PTPRD: variants seen among roughly 807,000 people sequenced by gnomAD.
The protein encoded by PTPRD is protein tyrosine phosphatase receptor type D, also known as receptor-type tyrosine-protein phosphatase delta.
Under a neutral mutation model 214.5 loss-of-function variants are expected in PTPRD, and 34 were observed. That is an observed-to-expected ratio of 0.16 (90% CI 0.12 to 0.21). The LOEUF is 0.21. Among genes scored for constraint, PTPRD ranks in the 10% least tolerant of loss-of-function variants. The pLI, the probability that PTPRD is intolerant of heterozygous loss-of-function variation, is 1.00. For synonymous variants in PTPRD, 1,128 were observed against 845.7 expected (o/e 1.33, Z -5.79); for missense variants, 2,545 against 2,398.7 (o/e 1.06, Z -1.27).
chr9:8,723,084 T>C (rs1469992831), intron 12 of PTPRD, among the ~76,000 whole-genome samples: 2 of 152,142 alleles, frequency 1.3e-5, no homozygotes, highest in Non-Finnish European at 2.9e-5. Context: ...TTTCCCTACA[T>C]ACTCTCCTAT....
chr9:8,316,153 T>G lies in PTPRD; in HGVS notation c.*1721A>C. On this transcript the variant is annotated 3_prime_UTR_variant, in exon 46 of 46. Coordinates refer to ENST00000381196, the MANE Select transcript of PTPRD (RefSeq NM_002839.4). The stretch of plus-strand genomic sequence containing the variant: ...GGAAGAAGGGCCCTGATTATCCAAG[T>G]GCTTTGGGCTGGTACAATCACTAAC... 4.3e-6 allele frequency: 1 copy of G among 229,992 alleles called. No individual in the cohort carries two copies. The highest frequency in any genetic ancestry group is 6.2e-5 in the East Asian group (1 of 16,092). The allele number at this position is 229,992 out of a possible 1,614,324, so 14.2% of individuals were successfully genotyped here.
In PTPRD at chr9:8,501,146, AAAAT is replaced by A. The variant is rs772313474; in HGVS notation, c.1823-91_1823-88del. The A allele has an allele frequency of 4.9e-5, 48 of 981,730 alleles. 1 individual carries two copies. The highest frequency in any genetic ancestry group is 1.7e-4 in the South Asian group (10 of 57,352). The allele number at this position is 981,730 out of a possible 1,614,324, so 60.8% of individuals were successfully genotyped here. A position where few individuals can be genotyped will look rare whatever the true frequency, so the allele number is the denominator to read the frequency against. On this transcript the variant is annotated intron_variant, in intron 23 of 45. Coordinates refer to ENST00000381196, the MANE Select transcript of PTPRD (RefSeq NM_002839.4). ...AAATGATAAAACAAAAGAAAAGGCA[AAAAT>A]AAATAAACGAACAATAAGGACAAAA... is the stretch of plus-strand genomic sequence containing the variant.
At chr9:9,719,639 C>T (rs1201820008) in intron 7 of PTPRD, among the ~76,000 whole-genome samples, 1 of 152,206 alleles carries the variant, frequency 6.6e-6, no homozygotes, top group African/African-American at 2.4e-5. Context: ...ACCTGCTCTG[C>T]AACATCCCCC....
intron 2 of PTPRD, among the ~76,000 whole-genome samples, chr9:10,377,062 T>C (rs1388019481): frequency 6.6e-6 from 1 of 151,730 alleles, no homozygotes; most frequent in South Asian, 2.1e-4. Flanking sequence ...TCTATTACCC[T>C]TTCCAGCCGC....
At chr9:9,781,996 G>A (rs565365857) in intron 5 of PTPRD, among the ~76,000 whole-genome samples, 1 of 152,074 alleles carries the variant, frequency 6.6e-6, no homozygotes, top group East Asian at 1.9e-4. Flanking sequence ...GTTTCACCGT[G>A]TTAACCAGGA....
intron 2 of PTPRD, among the ~76,000 whole-genome samples, chr9:10,520,586 A>G (rs1459922220): frequency 2.0e-5 from 3 of 152,206 alleles, no homozygotes; most frequent in Admixed American, 6.5e-5. Flanking sequence ...ACAGACTTCT[A>G]TTGGAAGAAG....
chr9:8,739,407 T>C (rs7865769), intron 11 of PTPRD, among the ~76,000 whole-genome samples: 11,161 of 152,292 alleles, frequency 0.073, 1,098 homozygotes, highest in African/African-American at 0.23. Context: ...TTTATCTGCA[T>C]TGACTAATAA....
chr9:8,483,676 C>T (rs994929621), intron 30 of PTPRD, among the ~76,000 whole-genome samples: 18 of 152,248 alleles, frequency 1.2e-4, no homozygotes, highest in African/African-American at 3.4e-4. Flanking sequence ...CTACTTGTGA[C>T]GCTGAGGCAA....
At chr9:9,679,515 A>C (rs1236900661) in intron 7 of PTPRD, among the ~76,000 whole-genome samples, 2 of 151,900 alleles carry the variant, frequency 1.3e-5, no homozygotes, top group South Asian at 2.1e-4. Flanking sequence ...GAAAAATCAT[A>C]ATTAAATGGA....
At chr9:8,522,273 G>T (rs1051404595) in intron 19 of PTPRD, among the ~76,000 whole-genome samples, 11 of 152,156 alleles carry the variant, frequency 7.2e-5, no homozygotes, top group African/African-American at 2.4e-4. Context: ...AGAATGGCTG[G>T]AATCCAAGAC....
chr9:9,303,046 A>T (rs973832363), intron 9 of PTPRD, among the ~76,000 whole-genome samples: 1 of 151,920 alleles, frequency 6.6e-6, no homozygotes, highest in African/African-American at 2.4e-5. Flanking sequence ...ATAAGAGAAG[A>T]CCTTTTCTTT....
intron 39 of PTPRD, among the ~76,000 whole-genome samples, chr9:8,365,521 G>A (rs1434589601): frequency 6.6e-6 from 1 of 152,168 alleles, no homozygotes; most frequent in Non-Finnish European, 1.5e-5. Context: ...ATCGAGCCTG[G>A]GGAGGGAAAT....
At chr9:8,459,119 G>A (rs185979177) in intron 33 of PTPRD, among the ~76,000 whole-genome samples, 70 of 152,058 alleles carry the variant, frequency 4.6e-4, no homozygotes, top group East Asian at 1.9e-4. Flanking sequence ...GGGGAAAAAC[G>A]TTATTCCAGG....
intron 2 of PTPRD, among the ~76,000 whole-genome samples, chr9:10,568,464 TC>T (rs561966464): frequency 4.8e-4 from 73 of 152,222 alleles, no homozygotes; most frequent in African/African-American, 1.6e-3. Flanking sequence ...TGATTTATAA[TC>T]CTTTGGGTAT....
chr9:10,360,582 T>A (rs1166490195), intron 2 of PTPRD, among the ~76,000 whole-genome samples: 3 of 152,198 alleles, frequency 2.0e-5, no homozygotes, highest in African/African-American at 7.2e-5. Context: ...TGCACCAGCT[T>A]TTCTCTTGTC....
At chr9:9,745,889 G>A (rs560078323) in intron 6 of PTPRD, among the ~76,000 whole-genome samples, 2 of 152,232 alleles carry the variant, frequency 1.3e-5, no homozygotes, top group South Asian at 2.1e-4. Flanking sequence ...GAGAACAACT[G>A]AAATCACAGT....
intron 34 of PTPRD, among the ~76,000 whole-genome samples, chr9:8,440,425 C>T (rs1237949753): frequency 1.3e-5 from 2 of 152,026 alleles, no homozygotes; most frequent in African/African-American, 4.8e-5. Context: ...AAGTGGTTCC[C>T]CTGCCTCAGC....
intron 4 of PTPRD, among the ~76,000 whole-genome samples, chr9:10,016,896 C>T (rs1588993483): frequency 3.3e-5 from 5 of 152,214 alleles, no homozygotes; most frequent in Admixed American, 3.3e-4. Context: ...AAATCCTGAG[C>T]TCAAGAGATT....
intron 12 of PTPRD, among the ~76,000 whole-genome samples, chr9:8,714,074 A>C (rs1379131561): frequency 6.6e-6 from 1 of 152,152 alleles, no homozygotes; most frequent in Non-Finnish European, 1.5e-5. Flanking sequence ...AATAATGAAT[A>C]ACGGCCCTAA....
Sources: allele counts gnomAD v4.1 joint callset (sites outside exome capture counted in the v4.1 genomes callset), GRCh38; gene constraint gnomAD v4.1.1; transcripts MANE v1.5; gene names NCBI Gene and HGNC (gene_info 2026-07-23, HGNC 2026-07-21).